The following CDC73 variants were observed in gnomAD, a reference collection of about 807,000 sequenced individuals.
CDC73 encodes cell division cycle 73.
In CDC73, 21 loss-of-function variants were observed where a neutral mutation model predicts 83.7. That is an observed-to-expected ratio of 0.25 (90% confidence interval 0.18 to 0.36). The LOEUF (loss-of-function observed/expected upper bound fraction) is 0.36. Ranked by LOEUF, CDC73 falls within the 10% of genes least tolerant of loss-of-function variation. The pLI is 1.00. For missense variants in CDC73, 342 were observed against 653.3 expected (o/e 0.52, Z 5.19); for synonymous variants, 224 against 212.9 (o/e 1.05, Z -0.45).
chr1:193,243,701 C>T (rs1329556739), intron 15 of CDC73, among the ~76,000 whole-genome samples: 2 of 152,168 alleles, frequency 1.3e-5, no homozygotes, highest in East Asian at 1.9e-4. Flanking sequence ...TTATTTTACA[C>T]ATGAATACTA....
chr1:193,230,893 A>G (rs1677652853), intron 13 of CDC73, among the ~76,000 whole-genome samples: 1 of 152,232 alleles, frequency 6.6e-6, no homozygotes, highest in Non-Finnish European at 1.5e-5. Context: ...GTTTTGAAAT[A>G]AAGCCTTTTT....
rs567433928 is a variant in CDC73 at position 193,183,673 on chromosome 1, ACT to A, written c.973-20118_973-20117del. Among the ~76,000 whole-genome samples the A allele has an allele frequency of 2.3e-3, 350 of 151,678 alleles. 20 individuals are homozygous for A. The South Asian group carries it at 0.07, about 30-fold the overall frequency. On this transcript the variant is annotated intron_variant, in intron 10 of 16. Transcript: ENST00000367435. Reference sequence around the variant, plus strand: ...ATGACATATTTGGTAAATAATAATGACTCTCCGCTCCACTTCATAAGGATATC... The same window carrying A: ...ATGACATATTTGGTAAATAATAATGACTCCGCTCCACTTCATAAGGATATC...
chr1:193,139,066 G>A (rs972678489), intron 6 of CDC73, among the ~76,000 whole-genome samples: 2 of 151,930 alleles, frequency 1.3e-5, no homozygotes, highest in African/African-American at 4.8e-5. Context: ...GAGCCACCGC[G>A]CCTGGCTGAA....
At chr1:193,123,390 G>C (rs1473966325) in intron 1 of CDC73, among the ~76,000 whole-genome samples, 1 of 152,076 alleles carries the variant, frequency 6.6e-6, no homozygotes, top group Non-Finnish European at 1.5e-5. Flanking sequence ...ACCATGGCCG[G>C]CTAATTTATG....
At chr1:193,195,517 C>G (rs893807593) in intron 10 of CDC73, among the ~76,000 whole-genome samples, 1 of 152,052 alleles carries the variant, frequency 6.6e-6, no homozygotes, top group African/African-American at 2.4e-5. Flanking sequence ...TATATATACT[C>G]AAACAGAATT....
intron 14 of CDC73, among the ~76,000 whole-genome samples, chr1:193,235,525 C>T (rs1677742239): frequency 1.3e-5 from 2 of 152,078 alleles, no homozygotes; most frequent in Non-Finnish European, 2.9e-5. Flanking sequence ...TTGGCTTTAA[C>T]TGTTTATGGC....
At chr1:193,173,368 C>T (rs1281202597) in intron 10 of CDC73, among the ~76,000 whole-genome samples, 1 of 152,140 alleles carries the variant, frequency 6.6e-6, no homozygotes, top group Non-Finnish European at 1.5e-5. Flanking sequence ...TCTGTTCCAC[C>T]TCTTCCTTTT....
chr1:193,150,465 G>T (rs1311468362), intron 9 of CDC73, 83 bp downstream of exon 9: 7 of 973,106 alleles, frequency 7.2e-6, no homozygotes, highest in African/African-American at 4.8e-5. Flanking sequence ...TAAGGGTAAG[G>T]GTTGGCAAAG....
At chr1:193,131,951 G>T (rs1675702414) in intron 3 of CDC73, among the ~76,000 whole-genome samples, 1 of 152,118 alleles carries the variant, frequency 6.6e-6, no homozygotes, top group Non-Finnish European at 1.5e-5. Context: ...TGTACATAGT[G>T]TCTGTCTTTC....
intron 7 of CDC73, among the ~76,000 whole-genome samples, chr1:193,145,911 T>C (rs1009942650): frequency 1.3e-5 from 2 of 152,204 alleles, no homozygotes; most frequent in Admixed American, 1.3e-4. Flanking sequence ...ACAGAAGTTA[T>C]ACTCTTCAGC....
intron 10 of CDC73, among the ~76,000 whole-genome samples, chr1:193,167,514 C>CTA (rs2103147015): frequency 6.6e-6 from 1 of 152,072 alleles, no homozygotes; most frequent in East Asian, 1.9e-4. Context: ...TAGTGAAAGG[C>CTA]TAATAGTCTA....
In CDC73 at chr1:193,152,778, A is replaced by T. The variant is rs557131322; in HGVS notation, c.972+334A>T. Among the ~76,000 whole-genome samples the T allele has an allele frequency of 3.9e-5, 6 of 151,950 alleles. No individual in the cohort carries two copies. In the East Asian group the frequency reaches 1.2e-3, roughly 29 times the overall value. On this transcript the variant is annotated intron_variant, in intron 10 of 16. Transcript: ENST00000367435. ...CATAATATCTTTTGTTTTTATTTTTATTTATTTATTTATTTTTTTGAGACA... is the reference window on the plus strand; with the variant it reads ...CATAATATCTTTTGTTTTTATTTTTTTTTATTTATTTATTTTTTTGAGACA...
intron 13 of CDC73, among the ~76,000 whole-genome samples, chr1:193,214,704 G>A (rs911239374): frequency 1.3e-5 from 2 of 152,176 alleles, no homozygotes; most frequent in African/African-American, 4.8e-5. Context: ...GGGCGACAGA[G>A]CGAGACTCCT....
intron 8 of CDC73, among the ~76,000 whole-genome samples, chr1:193,150,069 C>G (rs1462604887): frequency 6.6e-6 from 1 of 151,374 alleles, no homozygotes; most frequent in Non-Finnish European, 1.5e-5. Context: ...GGCTGGGATT[C>G]AAAACCAGCT....
chr1:193,143,605 A>C (rs909754189), intron 7 of CDC73, among the ~76,000 whole-genome samples: 6 of 152,208 alleles, frequency 3.9e-5, no homozygotes, highest in Non-Finnish European at 5.9e-5. Flanking sequence ...GGCTTGCCTG[A>C]GTATTATTAG....
intron 7 of CDC73, 101 bp downstream of exon 7, chr1:193,142,167 A>G (rs1675918162): frequency 1.1e-6 from 1 of 937,254 alleles, no homozygotes; most frequent in East Asian, 2.6e-5. Context: ...TTTTAGGTGG[A>G]AGTTTCAAGT....
In CDC73 at chr1:193,252,823, G is replaced by A. The variant is rs965354967; in HGVS notation, c.*2111G>A. 1.3e-5 allele frequency: 3 copies of A among 231,674 alleles called. No individual in the cohort carries two copies. Among genetic ancestry groups the A allele is most frequent in the African/African-American group, 6.6e-5 (3 of 45,254 alleles). The allele number at this position is 231,674 out of a possible 1,614,324, so 14.4% of individuals were successfully genotyped here. A position where few individuals can be genotyped will look rare whatever the true frequency, so the allele number is the denominator to read the frequency against. Reference sequence around the variant, plus strand: ...GTCCTATATAGCAGTACTTAACACAGTGCCTTGCACATAGTAGGCATTCAG... The same window carrying A: ...GTCCTATATAGCAGTACTTAACACAATGCCTTGCACATAGTAGGCATTCAG... On this transcript the variant is annotated 3_prime_UTR_variant, in exon 17 of 17. Transcript: ENST00000367435.
intron 13 of CDC73, among the ~76,000 whole-genome samples, chr1:193,218,614 G>A (rs1677410852): frequency 6.6e-6 from 1 of 152,164 alleles, no homozygotes. Context: ...AAGCTGCCCA[G>A]CAGCAACCAT....
chr1:193,161,151 G>C, intron 10 of CDC73: 1 of 176,488 alleles, frequency 5.7e-6, no homozygotes, highest in Non-Finnish European at 1.2e-5. Context: ...GTTTCTTTTA[G>C]TGTTGTTCTT....
Sources: gnomAD v4.1 joint callset for allele counts (sites outside exome capture counted in the v4.1 genomes callset) on GRCh38, gnomAD v4.1.1 for gene constraint, MANE v1.5 for transcripts, NCBI Gene and HGNC (gene_info 2026-07-23, HGNC 2026-07-21) for gene names.